Variants in RYR3 observed in about 807,000 individuals in gnomAD.
The protein encoded by RYR3 is brain ryanodine receptor-calcium release channel.
Under a neutral mutation model 584.3 loss-of-function variants are expected in RYR3, and 207 were observed. The observed-to-expected ratio is 0.35, with a 90% CI of 0.32 to 0.40. The LOEUF (loss-of-function observed/expected upper bound fraction) is 0.40. RYR3 is among the 10% of genes least tolerant of loss of function. RYR3 has a pLI of 1.00. For missense variants in RYR3, 5,616 were observed against 6,089.2 expected, an observed-to-expected ratio of 0.92 and a Z score of 2.59; for synonymous variants, 2,416 against 2,248.5, an observed-to-expected ratio of 1.07 and a Z score of -2.11.
At chr15:33,654,459 C>T (rs566449925) in intron 32 of RYR3, among the ~76,000 whole-genome samples, 13 of 151,526 alleles carry the variant, frequency 8.6e-5, no homozygotes, top group Non-Finnish European at 1.9e-4. Flanking sequence ...TGCAGTGAGC[C>T]ATGATTGTTC....
At chr15:33,762,974 G>A (rs901807563) in intron 60 of RYR3, among the ~76,000 whole-genome samples, 4 of 152,028 alleles carry the variant, frequency 2.6e-5, no homozygotes, top group Admixed American at 6.6e-5. Flanking sequence ...CACATCTACC[G>A]CCATCTGACC....
Position 33,801,857 on chromosome 15 carries a change from T to C in RYR3, c.9919-12T>C, listed in dbSNP as rs1335233496. ...CTTGTAATGTTTGCTGTTTCAATTCTTTCCCACTTAGAACTTCAAGAGAGA... is the reference window on the plus strand; with the variant it reads ...CTTGTAATGTTTGCTGTTTCAATTCCTTCCCACTTAGAACTTCAAGAGAGA... On this transcript the variant is annotated splice_polypyrimidine_tract_variant and intron_variant, in intron 68 of 103. Transcript: ENST00000634891. 1 of 1,393,358 alleles carries C rather than the reference T, an allele frequency of 7.2e-7. No homozygotes were observed. The highest frequency in any genetic ancestry group is 1.0e-6 in the Non-Finnish European group (1 of 1,001,496). The allele number at this position is 1,393,358 out of a possible 1,614,324, so 86.3% of individuals were successfully genotyped here.
chr15:33,430,604 G>T (rs2045060266), intron 1 of RYR3, among the ~76,000 whole-genome samples: 1 of 152,178 alleles, frequency 6.6e-6, no homozygotes, highest in Non-Finnish European at 1.5e-5. Context: ...AGGTCTACGG[G>T]CCAGAGAATC....
rs542444297 is a variant in RYR3, at chr15:33,526,824, A to G, written c.280-3768A>G. Among the ~76,000 whole-genome samples the G allele has an allele frequency of 4.6e-5, 7 of 152,348 alleles. No homozygotes were observed. The South Asian group carries it at 1.4e-3, about 32-fold the overall frequency. On this transcript the variant is annotated intron_variant, in intron 3 of 103. Transcript: ENST00000634891. ...GGAGAGAGAATAAATTCATATTAAA[A>G]ATAATACCACAGAAGATAATAAAGC...
chr15:33,622,837 T>C (rs763843910), intron 19 of RYR3, among the ~76,000 whole-genome samples: 1 of 152,236 alleles, frequency 6.6e-6, no homozygotes, highest in Non-Finnish European at 1.5e-5. Flanking sequence ...TTTCTGATTA[T>C]AAACCTGGGA....
In RYR3 at chr15:33,761,032, A is replaced by T. The variant is rs565517454; in HGVS notation, c.8705+3436A>T. Among the ~76,000 whole-genome samples the T allele has an allele frequency of 2.6e-5, 4 of 152,366 alleles. No individual in the cohort carries two copies. In the South Asian group the frequency reaches 8.3e-4, roughly 32 times the overall value. On this transcript the variant is annotated intron_variant, in intron 60 of 103. Transcript: ENST00000634891. ...AATAATGAAATTAAGGCAGAAATGAATAAGTTTTTTGAAACCAATGAGAAC... is the reference window on the plus strand; with the variant it reads ...AATAATGAAATTAAGGCAGAAATGATTAAGTTTTTTGAAACCAATGAGAAC...
intron 1 of RYR3, among the ~76,000 whole-genome samples, chr15:33,340,084 CCTGCTT>C (rs1380643319): frequency 6.6e-6 from 1 of 152,170 alleles, no homozygotes; most frequent in East Asian, 1.9e-4. Context: ...GATCCTACTG[CCTGCTT>C]CTCCTCCAAG....
intron 16 of RYR3, among the ~76,000 whole-genome samples, chr15:33,598,656 CT>C (rs2059510566): frequency 6.6e-6 from 1 of 152,038 alleles, no homozygotes; most frequent in South Asian, 2.1e-4. Context: ...CTCATCTTCC[CT>C]GTTGGAAGCA....
chr15:33,523,896 C>T (rs1204735146), intron 3 of RYR3, among the ~76,000 whole-genome samples: 1 of 152,022 alleles, frequency 6.6e-6, no homozygotes, highest in Non-Finnish European at 1.5e-5. Flanking sequence ...CTAGCGTTTC[C>T]GTGTAACACC....
chr15:33,323,212 C>T (rs1002352201), intron 1 of RYR3, among the ~76,000 whole-genome samples: 7 of 152,040 alleles, frequency 4.6e-5, no homozygotes, highest in East Asian at 1.9e-4. Context: ...CCCAGGTTCA[C>T]GCCATCCTCC....
At chr15:33,635,947 G>A (rs1311920373) in intron 26 of RYR3, 128 bp downstream of exon 26, 9 of 749,168 alleles carry the variant, frequency 1.2e-5, no homozygotes, top group Non-Finnish European at 2.0e-5. Context: ...GGCTAATGTA[G>A]ACATTGAATG....
intron 9 of RYR3, among the ~76,000 whole-genome samples, chr15:33,548,979 A>G (rs575753926): frequency 2.0e-5 from 3 of 152,142 alleles, no homozygotes. Flanking sequence ...CACGCAGGGT[A>G]TATGCCCCCC....
At chr15:33,537,237 G>A (rs750190112) in intron 5 of RYR3, among the ~76,000 whole-genome samples, 1 of 150,972 alleles carries the variant, frequency 6.6e-6, no homozygotes, top group East Asian at 1.9e-4. Flanking sequence ...GGTTAGATTC[G>A]CTTGCATGAT....
intron 60 of RYR3, among the ~76,000 whole-genome samples, chr15:33,759,832 G>GA (rs1461121282): frequency 6.6e-6 from 1 of 151,200 alleles, no homozygotes; most frequent in African/African-American, 2.4e-5. Flanking sequence ...CAACCCCAAG[G>GA]AAATCATCAG....
chr15:33,849,982 G>C (rs918458469), intron 94 of RYR3: 2 of 152,162 alleles, frequency 1.3e-5, no homozygotes, highest in East Asian at 1.9e-4. Flanking sequence ...AGAAGTCTTA[G>C]ACACTATTGA....
At chr15:33,648,550 G>T (rs751719540) in intron 30 of RYR3, among the ~76,000 whole-genome samples, 2 of 152,228 alleles carry the variant, frequency 1.3e-5, no homozygotes, top group Non-Finnish European at 2.9e-5. Flanking sequence ...ATTTGGCCAT[G>T]AGATGAACTT....
intron 10 of RYR3, among the ~76,000 whole-genome samples, chr15:33,555,362 G>A (rs1277792366): frequency 6.6e-6 from 1 of 152,178 alleles, no homozygotes; most frequent in East Asian, 1.9e-4. Flanking sequence ...AGCAAAGGAG[G>A]GAAGGGGAAA....
chr15:33,781,563 C>T (rs746446727), intron 65 of RYR3, among the ~76,000 whole-genome samples: 12 of 152,184 alleles, frequency 7.9e-5, no homozygotes, highest in Non-Finnish European at 1.8e-4. Context: ...TCTAAAAATG[C>T]GAAGTGCTAA....
chr15:33,853,132 G>C (rs551147484), intron 95 of RYR3, 45 bp downstream of exon 95: 24 of 1,486,132 alleles, frequency 1.6e-5, no homozygotes, highest in Non-Finnish European at 2.1e-5. Context: ...ACCAAAAAAT[G>C]TGGTGTATGT....
Sources: allele counts gnomAD v4.1 joint callset (sites outside exome capture counted in the v4.1 genomes callset), GRCh38; gene constraint gnomAD v4.1.1; transcripts MANE v1.5; gene names NCBI Gene and HGNC (gene_info 2026-07-23, HGNC 2026-07-21).